Variants in BAZ2B observed in about 807,000 individuals in gnomAD.
BAZ2B encodes bromodomain adjacent to zinc finger domain 2B.
In BAZ2B, 91 loss-of-function variants were observed where a neutral mutation model predicts 246.0. That is an observed-to-expected ratio of 0.37 (90% CI 0.31 to 0.44). BAZ2B has a LOEUF of 0.44. Among genes scored for constraint, BAZ2B ranks in the 20% least tolerant of loss-of-function variants. The probability of loss-of-function intolerance (pLI) is 1.00; values close to 1 mark genes in which losing one functional copy is unlikely to be tolerated. For synonymous variants in BAZ2B, 855 were observed against 860.0 expected, an observed-to-expected ratio of 0.99 and a Z score of 0.10; for missense variants, 2,332 against 2,533.7, an observed-to-expected ratio of 0.92 and a Z score of 1.71.
the BAZ2B span, among the ~76,000 whole-genome samples, chr2:159,682,128 T>C: frequency 6.6e-6 from 1 of 150,656 alleles, no homozygotes; most frequent in Non-Finnish European, 1.5e-5. Context: ...GGGGCCAGGG[T>C]AATAAATATC....
the BAZ2B span, among the ~76,000 whole-genome samples, chr2:159,654,965 G>A: frequency 6.6e-6 from 1 of 152,026 alleles, no homozygotes; most frequent in African/African-American, 2.4e-5. Context: ...TTTCCTCTGA[G>A]GAAAATATAA....
chr2:159,371,823 C>T (rs542135535), intron 27 of BAZ2B, among the ~76,000 whole-genome samples: 1 of 152,280 alleles, frequency 6.6e-6, no homozygotes, highest in Non-Finnish European at 1.5e-5. Context: ...AGCTTTGATC[C>T]CTCTAGGCAC....
chr2:159,529,460 C>T (rs1578124008), intron 2 of BAZ2B, among the ~76,000 whole-genome samples: 2 of 152,154 alleles, frequency 1.3e-5, no homozygotes, highest in Non-Finnish European at 1.5e-5. Flanking sequence ...CTCTCAGTAT[C>T]GTGGCATTTA....
Position 159,438,414 on chromosome 2 carries a change from T to C in BAZ2B, c.1182A>G (p.Lys394=), listed in dbSNP as rs910101896. Residue 394 remains lysine, a synonymous_variant, in exon 8 of 37, where the codon AAA becomes AAG. Coordinates refer to ENST00000392783, the MANE Select transcript of BAZ2B (RefSeq NM_013450.4). ...VKPLSLVNQA[K]KETYMKLIVP... Reference sequence around the variant, plus strand: ...CTATGAGTTTCATGTAAGTTTCCTTTTTGGCTTGATTTACCAAAGATAAAG... The same window carrying C: ...CTATGAGTTTCATGTAAGTTTCCTTCTTGGCTTGATTTACCAAAGATAAAG... 2 of 1,614,088 alleles carry C rather than the reference T, an allele frequency of 1.2e-6. No individual in the cohort carries two copies. The highest frequency in any genetic ancestry group is 1.7e-6 in the Non-Finnish European group (2 of 1,180,024).
chr2:159,392,867 C>G (rs1018219634), intron 20 of BAZ2B, among the ~76,000 whole-genome samples: 1 of 152,218 alleles, frequency 6.6e-6, no homozygotes, highest in South Asian at 2.1e-4. Flanking sequence ...ATATTTTACT[C>G]TGTGGGCAAA....
At chr2:159,500,681 C>A (rs1049716614) in intron 2 of BAZ2B, among the ~76,000 whole-genome samples, 3 of 152,072 alleles carry the variant, frequency 2.0e-5, no homozygotes, top group African/African-American at 7.2e-5. Flanking sequence ...AGGCCAGGTG[C>A]GGTGGTTCAT....
intron 3 of BAZ2B, 126 bp downstream of exon 3, chr2:159,478,449 T>C: frequency 9.8e-7 from 1 of 1,022,702 alleles, no homozygotes; most frequent in East Asian, 2.8e-5. Flanking sequence ...GACTAGGTGT[T>C]TAACCTAGCC....
chr2:159,689,273 G>T, the BAZ2B span: 1 of 469,504 alleles, frequency 2.1e-6, no homozygotes, highest in Non-Finnish European at 3.8e-6. Flanking sequence ...TTTAACACCT[G>T]TCTCATCCCC....
chr2:159,672,708 T>C, the BAZ2B span, among the ~76,000 whole-genome samples: 1 of 152,124 alleles, frequency 6.6e-6, no homozygotes. Flanking sequence ...AACTGACAAG[T>C]ATAGATTTAG....
At chr2:159,684,753 C>T in the BAZ2B span, among the ~76,000 whole-genome samples, 1 of 152,162 alleles carries the variant, frequency 6.6e-6, no homozygotes, top group South Asian at 2.1e-4. Context: ...CTTTTATTTG[C>T]ACACATTCCT....
the BAZ2B span, among the ~76,000 whole-genome samples, chr2:159,621,719 C>T: frequency 6.6e-6 from 1 of 152,218 alleles, no homozygotes; most frequent in East Asian, 1.9e-4. Flanking sequence ...TGCCTGTAAT[C>T]CCAGCACTTT....
At chr2:159,316,786 T>G (rs1287729806), downstream of BAZ2B, among the ~76,000 whole-genome samples, 1 of 146,742 alleles carries the variant, frequency 6.8e-6, no homozygotes, top group Non-Finnish European at 1.5e-5. Flanking sequence ...GGCAGGCAGA[T>G]CATCTGAGTT....
At chr2:159,596,610 T>C (rs1690777226) in intron 1 of BAZ2B, among the ~76,000 whole-genome samples, 1 of 152,210 alleles carries the variant, frequency 6.6e-6, no homozygotes, top group African/African-American at 2.4e-5. Flanking sequence ...ATCTGTGAGA[T>C]TTTGGTGCAC....
chr2:159,459,813 A>G (rs1198232962), intron 3 of BAZ2B: 1 of 152,106 alleles, frequency 6.6e-6, no homozygotes, highest in Non-Finnish European at 1.5e-5. Flanking sequence ...TTCTTACATT[A>G]ATATACTTAA....
At chr2:159,639,940 A>G in the BAZ2B span, among the ~76,000 whole-genome samples, 1 of 152,122 alleles carries the variant, frequency 6.6e-6, no homozygotes, top group Non-Finnish European at 1.5e-5. Flanking sequence ...AGATCCAGTG[A>G]TTTGTTGCCT....
At position 159,349,811 on chromosome 2, in the gene BAZ2B, T is replaced by C. The variant is rs1172572518; in HGVS notation, c.4760A>G (p.Gln1587Arg). The C allele has an allele frequency of 7.4e-6, 12 of 1,614,014 alleles. No homozygotes were observed. In the South Asian group the frequency reaches 1.1e-4, roughly 15 times the overall value. The change falls in exon 28 of 37, where the codon CAG (glutamine) becomes CGG (arginine). Residue 1587 changes from glutamine to arginine, a missense_variant. Physicochemically the swap from Gln to Arg is conservative, Grantham distance 43 (BLOSUM62 1). Around this residue, in one of 9 missense-constraint regions of BAZ2B, gnomAD observed 676 missense variants for 668.6 expected, o/e 1.01. Coordinates refer to ENST00000392783, the MANE Select transcript of BAZ2B (RefSeq NM_013450.4). ...DMSTASLVTP[Q>R]SQPPSKSPSP... Reference sequence around the variant, plus strand: ...AGGTGACTTAGATGGTGGCTGAGACTGAGGAGTCACCAAAGAAGCAGTTGA... The same window carrying C: ...AGGTGACTTAGATGGTGGCTGAGACCGAGGAGTCACCAAAGAAGCAGTTGA...
chr2:159,376,233 T>C (rs1326433652), intron 25 of BAZ2B, among the ~76,000 whole-genome samples: 1 of 152,174 alleles, frequency 6.6e-6, no homozygotes, highest in African/African-American at 2.4e-5. Flanking sequence ...GATCTGAAAG[T>C]AACCAACAGT....
At chr2:159,427,211 T>C (rs1184865468) in intron 13 of BAZ2B, among the ~76,000 whole-genome samples, 1 of 152,076 alleles carries the variant, frequency 6.6e-6, no homozygotes, top group African/African-American at 2.4e-5. Context: ...CCCCTTTCAA[T>C]GCAGCTAAAG....
chr2:159,640,786 G>A, the BAZ2B span, among the ~76,000 whole-genome samples: 1 of 150,918 alleles, frequency 6.6e-6, no homozygotes, highest in Non-Finnish European at 1.5e-5. Context: ...GCATCTTAAA[G>A]AACTGGAAAA....
Sources: allele counts gnomAD v4.1 joint callset (sites outside exome capture counted in the v4.1 genomes callset), GRCh38; gene constraint gnomAD v4.1.1; regional missense constraint gnomAD v4.1.1; transcripts MANE v1.5; gene names NCBI Gene and HGNC (gene_info 2026-07-23, HGNC 2026-07-21).